The following LAMB4 variants were observed in gnomAD, a reference collection of about 807,000 sequenced individuals.
LAMB4 encodes the protein laminin subunit beta 4, also known as laminin subunit beta-4.
Under a neutral mutation model 199.2 loss-of-function variants are expected in LAMB4, and 196 were observed. The ratio of observed to expected loss-of-function variants is 0.98; its 90% CI spans 0.88 to 1.11. The LOEUF is 1.11. LAMB4 is among the 50% of genes least tolerant of loss of function. The pLI, the probability that LAMB4 is intolerant of heterozygous loss-of-function variation, is 0.00. For synonymous variants in LAMB4, 744 were observed against 770.6 expected, an observed-to-expected ratio of 0.97 and a Z score of 0.57; for missense variants, 2,080 against 2,171.2, an observed-to-expected ratio of 0.96 and a Z score of 0.83.
chr7:108,126,465 A>G (rs1379427241), intron 1 of LAMB4, among the ~76,000 whole-genome samples: 2 of 151,810 alleles, frequency 1.3e-5, no homozygotes, highest in African/African-American at 4.8e-5. Context: ...AGAATCGCAC[A>G]ATATTTGTCT....
intron 28 of LAMB4, among the ~76,000 whole-genome samples, chr7:108,045,230 T>G (rs1280244364): frequency 6.6e-6 from 1 of 151,988 alleles, no homozygotes; most frequent in Non-Finnish European, 1.5e-5. Flanking sequence ...ATTCCAGAAA[T>G]AAAATACCCT....
intron 14 of LAMB4, among the ~76,000 whole-genome samples, chr7:108,086,809 T>C (rs2037197521): frequency 6.6e-6 from 1 of 152,202 alleles, no homozygotes; most frequent in Non-Finnish European, 1.5e-5. Flanking sequence ...TTGGGGCACA[T>C]GGCAAACACC....
chr7:108,099,333 A>G (rs137991589), intron 10 of LAMB4, among the ~76,000 whole-genome samples: 7 of 152,348 alleles, frequency 4.6e-5, no homozygotes, highest in East Asian at 1.9e-4. Context: ...TAGACATTTG[A>G]ACAACTCAAG....
chr7:108,020,745 A>G (rs1420863938), downstream of LAMB4, among the ~76,000 whole-genome samples: 1 of 152,284 alleles, frequency 6.6e-6, no homozygotes, highest in African/African-American at 2.4e-5. Context: ...CTCACAAGCA[A>G]AAGGTTCCTT....
chr7:108,028,309 C>A (rs959110290), intron 33 of LAMB4, among the ~76,000 whole-genome samples: 1 of 151,976 alleles, frequency 6.6e-6, no homozygotes, highest in East Asian at 1.9e-4. Context: ...ACATTTTGGG[C>A]GGGACAATTG....
Position 108,106,489 on chromosome 7 carries a change from A to C in LAMB4, c.655+20T>G, listed in dbSNP as rs1338122633. ...GAAATTTTTTTAAAGCTGATATGAA[A>C]AATATAAAGGAATTCATACCTTGGA... On this transcript the variant is annotated intron_variant, in intron 7 of 33. Coordinates refer to ENST00000388781, the MANE Select transcript of LAMB4 (RefSeq NM_007356.3). 1 of 1,427,498 alleles carries C rather than the reference A, an allele frequency of 7.0e-7. No homozygotes were observed. The highest frequency in any genetic ancestry group is 9.7e-7 in the Non-Finnish European group (1 of 1,033,020). The allele number at this position is 1,427,498 out of a possible 1,614,324, so 88.4% of individuals were successfully genotyped here.
At position 108,063,742 on chromosome 7, in the gene LAMB4, GGGA is replaced by G; in HGVS notation, c.3061+16_3061+18del. The G allele has an allele frequency of 6.3e-7, 1 of 1,593,712 alleles. No homozygotes were observed. Among genetic ancestry groups the G allele is most frequent in the Non-Finnish European group, 8.6e-7 (1 of 1,161,614 alleles). On this transcript the variant is annotated intron_variant, in intron 22 of 33. Transcript: ENST00000388781. Reference sequence around the variant, plus strand: ...TCACTCAGCTGACACATTTCCCCCTGGGAGTTTTGCAGACTTACTTCTGCAGGT... The same window carrying G: ...TCACTCAGCTGACACATTTCCCCCTGGTTTTGCAGACTTACTTCTGCAGGT...
At chr7:108,117,140 AC>A (rs1340537990) in intron 2 of LAMB4, among the ~76,000 whole-genome samples, 3 of 152,156 alleles carry the variant, frequency 2.0e-5, no homozygotes, top group African/African-American at 4.8e-5. Context: ...TAAGTTATAA[AC>A]CCATATAATC....
intron 10 of LAMB4, among the ~76,000 whole-genome samples, chr7:108,099,643 G>A (rs575233664): frequency 2.6e-4 from 40 of 152,210 alleles, no homozygotes; most frequent in Non-Finnish European, 4.3e-4. Context: ...CTTTTAAGGC[G>A]TGTAATAAAA....
At chr7:108,104,857 C>A (rs1465399126) in intron 8 of LAMB4, among the ~76,000 whole-genome samples, 1 of 150,378 alleles carries the variant, frequency 6.6e-6, no homozygotes, top group Non-Finnish European at 1.5e-5. Flanking sequence ...TTTGGCTTTT[C>A]TGAGTTCTAG....
chr7:108,055,494 G>T, intron 25 of LAMB4, 138 bp downstream of exon 25: 1 of 957,990 alleles, frequency 1.0e-6, no homozygotes, highest in South Asian at 1.6e-5. Flanking sequence ...GCCCAGCCTG[G>T]TTATTAACTG....
intron 23 of LAMB4, among the ~76,000 whole-genome samples, chr7:108,058,894 C>T (rs530947553): frequency 4.6e-5 from 7 of 152,038 alleles, no homozygotes; most frequent in South Asian, 2.1e-4. Context: ...TGACCTCAAG[C>T]GACCCACCTG....
chr7:108,019,769 G>T (rs928554926), downstream of LAMB4, among the ~76,000 whole-genome samples: 1 of 152,146 alleles, frequency 6.6e-6, no homozygotes, highest in Non-Finnish European at 1.5e-5. Context: ...GCAATTTCCA[G>T]CCTGAGCCTC....
Position 108,078,321 on chromosome 7 carries a change from AC to A in LAMB4, c.1888-6del. On this transcript the variant is annotated splice_region_variant and splice_polypyrimidine_tract_variant and intron_variant, in intron 15 of 33. Coordinates refer to ENST00000388781, the MANE Select transcript of LAMB4 (RefSeq NM_007356.3). ...GACAGTCCAGTCAGCTGCAGACTAG[AC>A]AGGCATGACATTAAGGCATGTCACT... 1.9e-6 allele frequency: 3 copies of A among 1,547,120 alleles called. No homozygotes were observed. The highest frequency in any genetic ancestry group is 2.7e-6 in the Non-Finnish European group (3 of 1,124,442).
intron 1 of LAMB4, among the ~76,000 whole-genome samples, chr7:108,127,560 T>A (rs1271582040): frequency 6.6e-6 from 1 of 152,194 alleles, no homozygotes; most frequent in Non-Finnish European, 1.5e-5. Context: ...CGGCAATCTC[T>A]CTCAGAACCA....
At chr7:108,065,161 A>G (rs2036293329) in intron 21 of LAMB4, among the ~76,000 whole-genome samples, 1 of 152,026 alleles carries the variant, frequency 6.6e-6, no homozygotes, top group African/African-American at 2.4e-5. Context: ...TCCCTCACCC[A>G]CTTCCCGGCC....
At chr7:108,126,546 A>ATTTC (rs1554453949) in intron 1 of LAMB4, among the ~76,000 whole-genome samples, 1 of 75,000 alleles carries the variant, frequency 1.3e-5, no homozygotes. Flanking sequence ...ATGTGTCAGA[A>ATTTC]TTTCTTTCTT....
rs539292752 is a variant in LAMB4 at position 108,079,517 on chromosome 7, A to T, written c.1887+84T>A. 2.1e-5 allele frequency: 25 copies of T among 1,168,716 alleles called. No individual in the cohort carries two copies. In the South Asian group the frequency reaches 3.7e-4, roughly 17 times the overall value. The allele number at this position is 1,168,716 out of a possible 1,614,324, so 72.4% of individuals were successfully genotyped here. On this transcript the variant is annotated intron_variant, in intron 15 of 33. Coordinates refer to ENST00000388781, the MANE Select transcript of LAMB4 (RefSeq NM_007356.3). ...TTACAAATCCTTTTCTGATGAACCTATTCTAGCAAGGCTGAAATGGAAACA... is the reference window on the plus strand; with the variant it reads ...TTACAAATCCTTTTCTGATGAACCTTTTCTAGCAAGGCTGAAATGGAAACA...
chr7:108,035,583 T>G (rs541551397), intron 30 of LAMB4, among the ~76,000 whole-genome samples: 1 of 127,850 alleles, frequency 7.8e-6, no homozygotes, highest in African/African-American at 3.0e-5. Context: ...TACTGCTTAT[T>G]ATAGCAAATT....
Sources: gnomAD v4.1 joint callset for allele counts (sites outside exome capture counted in the v4.1 genomes callset) on GRCh38, gnomAD v4.1.1 for gene constraint, MANE v1.5 for transcripts, NCBI Gene and HGNC (gene_info 2026-07-23, HGNC 2026-07-21) for gene names.